The following NAALADL2 variants were observed in gnomAD, a reference collection of about 807,000 sequenced individuals.
NAALADL2 encodes N-acetylated alpha-linked acidic dipeptidase like 2.
A neutral mutation model predicts 87.2 loss-of-function variants in NAALADL2; 76 were observed. That is an observed-to-expected ratio of 0.87 (90% CI 0.72 to 1.05). The LOEUF (loss-of-function observed/expected upper bound fraction) is 1.05, where lower values mean the gene tolerates loss of function less well. NAALADL2 is among the 50% of genes least tolerant of loss of function. The pLI is 0.00. For synonymous variants in NAALADL2, 354 were observed against 331.0 expected (o/e 1.07, Z -0.75); for missense variants, 1,089 against 945.8 (o/e 1.15, Z -1.99).
At chr3:174,691,256 A>G (rs1728546286) in intron 2 of NAALADL2, among the ~76,000 whole-genome samples, 1 of 152,074 alleles carries the variant, frequency 6.6e-6, no homozygotes, top group Non-Finnish European at 1.5e-5. Context: ...TACTAAAAAT[A>G]CAAAAATTAG....
At chr3:174,524,828 C>T (rs1389047492) in intron 1 of NAALADL2, among the ~76,000 whole-genome samples, 1 of 152,214 alleles carries the variant, frequency 6.6e-6, no homozygotes, top group Middle Eastern at 3.4e-3. Flanking sequence ...GTGTGAGCCA[C>T]CATGCGCGGC....
At chr3:174,559,317 A>ACCCCCTT (rs1713277257) in intron 2 of NAALADL2, among the ~76,000 whole-genome samples, 1 of 151,924 alleles carries the variant, frequency 6.6e-6, no homozygotes, top group African/African-American at 2.4e-5. Context: ...ACCACCCCCT[A>ACCCCCTT]CCCCCACCAT....
At chr3:174,921,683 T>C (rs1481640944) in intron 1 of NAALADL2, among the ~76,000 whole-genome samples, 5 of 151,362 alleles carry the variant, frequency 3.3e-5, no homozygotes, top group African/African-American at 1.2e-4. Context: ...CGGGTGGCTG[T>C]AGTCCCAGCT....
At chr3:175,048,081 T>C (rs192503261) in intron 1 of NAALADL2, among the ~76,000 whole-genome samples, 1 of 152,206 alleles carries the variant, frequency 6.6e-6, no homozygotes, top group Non-Finnish European at 1.5e-5. Context: ...ATTTGTACTT[T>C]AATTTCTGTA....
intron 3 of NAALADL2, among the ~76,000 whole-genome samples, chr3:174,794,055 G>A (rs1717781873): frequency 6.6e-6 from 1 of 152,048 alleles, no homozygotes. Context: ...AGCAACTGGA[G>A]AGAATGTGAG....
chr3:174,536,688 GCC>G (rs1322069465), intron 1 of NAALADL2: 3 of 152,124 alleles, frequency 2.0e-5, no homozygotes, highest in Non-Finnish European at 4.4e-5. Context: ...CCCTAGGTAA[GCC>G]CTCTATTGGT....
intron 2 of NAALADL2, among the ~76,000 whole-genome samples, chr3:174,691,437 C>CAAAAA (rs71759755): frequency 6.7e-6 from 1 of 148,376 alleles, no homozygotes. Flanking sequence ...ATAAAACCCA[C>CAAAAA]AAAAAAAAAA....
chr3:175,434,491 G>T (rs1304419796), intron 5 of NAALADL2, among the ~76,000 whole-genome samples: 2 of 151,800 alleles, frequency 1.3e-5, no homozygotes, highest in African/African-American at 4.8e-5. Flanking sequence ...GGGAAGCAGG[G>T]GTTAATTATT....
At chr3:175,076,188 A>T (rs1409999425) in intron 1 of NAALADL2, among the ~76,000 whole-genome samples, 1 of 152,162 alleles carries the variant, frequency 6.6e-6, no homozygotes, top group African/African-American at 2.4e-5. Context: ...AGATTGCGCC[A>T]CTGCACTCCA....
intron 1 of NAALADL2, among the ~76,000 whole-genome samples, chr3:174,486,057 C>T (rs1018836192): frequency 6.6e-6 from 1 of 151,968 alleles, no homozygotes; most frequent in Non-Finnish European, 1.5e-5. Context: ...GGGTATGTAC[C>T]CAAGTGCTTC....
chr3:174,875,717 G>A (rs182553228), intron 1 of NAALADL2, among the ~76,000 whole-genome samples: 23 of 152,118 alleles, frequency 1.5e-4, no homozygotes, highest in Admixed American at 3.3e-4. Flanking sequence ...TAAAATCTGT[G>A]TTTATAACAT....
intron 5 of NAALADL2, among the ~76,000 whole-genome samples, chr3:175,440,500 T>G (rs559773182): frequency 5.3e-5 from 8 of 152,316 alleles, no homozygotes; most frequent in Admixed American, 3.3e-4. Context: ...ACAATATTGA[T>G]TCTACCCATC....
At chr3:175,531,039 A>G (rs1214759916) in intron 9 of NAALADL2, among the ~76,000 whole-genome samples, 4 of 152,128 alleles carry the variant, frequency 2.6e-5, no homozygotes, top group African/African-American at 7.2e-5. Context: ...AAAGGCTCCA[A>G]ACAGCATCCC....
At chr3:175,052,984 G>A (rs1560518715) in intron 1 of NAALADL2, among the ~76,000 whole-genome samples, 1 of 152,124 alleles carries the variant, frequency 6.6e-6, no homozygotes, top group South Asian at 2.1e-4. Context: ...TCCCCTTAGG[G>A]GACCAATCAA....
intron 1 of NAALADL2, among the ~76,000 whole-genome samples, chr3:174,886,440 A>G (rs1255326003): frequency 1.3e-5 from 2 of 152,118 alleles, no homozygotes; most frequent in African/African-American, 2.4e-5. Flanking sequence ...CTCCTCTGGA[A>G]ACACCCTCAC....
intron 2 of NAALADL2, among the ~76,000 whole-genome samples, chr3:175,223,625 T>A (rs1743729906): frequency 6.6e-6 from 1 of 152,164 alleles, no homozygotes; most frequent in Admixed American, 6.6e-5. Flanking sequence ...GATAAAGATA[T>A]AATTTTCTTT....
Position 175,364,578 on chromosome 3 carries a change from G to T in NAALADL2, c.1090+40253G>T, listed in dbSNP as rs1166648307. 2.0e-5 allele frequency among the ~76,000 whole-genome samples: 3 copies of T among 147,552 alleles called. 1 individual carries two copies. The highest frequency in any genetic ancestry group is 4.5e-5 in the Non-Finnish European group (3 of 66,330). On this transcript the variant is annotated intron_variant, in intron 5 of 13. Transcript: ENST00000454872. ...AGTCAAATAATACATAACCTACAGT[G>T]AGGGAAATTATTTTTGGAATGCAGC...
chr3:175,366,293 A>G (rs1345303260), intron 5 of NAALADL2, among the ~76,000 whole-genome samples: 1 of 151,216 alleles, frequency 6.6e-6, no homozygotes, highest in Non-Finnish European at 1.5e-5. Flanking sequence ...AGTCTTTGCT[A>G]TTGTGAATAG....
intron 1 of NAALADL2, among the ~76,000 whole-genome samples, chr3:174,878,573 A>G (rs1220529986): frequency 6.6e-6 from 1 of 152,062 alleles, no homozygotes; most frequent in Non-Finnish European, 1.5e-5. Flanking sequence ...CCTAATGTCT[A>G]TGATTGTTGT....
Sources: allele counts gnomAD v4.1 joint callset (sites outside exome capture counted in the v4.1 genomes callset), GRCh38; gene constraint gnomAD v4.1.1; transcripts MANE v1.5; gene names NCBI Gene and HGNC (gene_info 2026-07-23, HGNC 2026-07-21).